Variants in DTWD2 observed in about 807,000 individuals in gnomAD.
DTWD2 encodes the protein DTW motif tRNA-uridine aminocarboxypropyltransferase 2.
Under a neutral mutation model 31.8 loss-of-function variants are expected in DTWD2, and 39 were observed. That is an observed-to-expected ratio of 1.22 (90% confidence interval 0.95 to 1.60). The LOEUF is 1.60. Ranked by LOEUF, DTWD2 falls within the 40% of genes most tolerant of loss-of-function variation. The pLI is 0.00. For synonymous variants in DTWD2, 180 were observed against 142.8 expected, an observed-to-expected ratio of 1.26 and a Z score of -1.86; for missense variants, 515 against 381.5, an observed-to-expected ratio of 1.35 and a Z score of -2.92.
At chr5:118,946,215 A>G (rs1045270663) in intron 1 of DTWD2, among the ~76,000 whole-genome samples, 2 of 152,228 alleles carry the variant, frequency 1.3e-5, no homozygotes, top group Admixed American at 6.5e-5. Context: ...TAACCCAAGG[A>G]AAATCAATAC....
At chr5:118,981,291 A>G (rs990551802) in intron 1 of DTWD2, among the ~76,000 whole-genome samples, 14 of 152,202 alleles carry the variant, frequency 9.2e-5, no homozygotes, top group Non-Finnish European at 1.6e-4. Flanking sequence ...GGCTACACAC[A>G]TTATATATTT....
chr5:118,902,098 T>G (rs897421128), intron 4 of DTWD2, among the ~76,000 whole-genome samples: 8 of 152,112 alleles, frequency 5.3e-5, no homozygotes, highest in African/African-American at 1.9e-4. Context: ...TCACCTTATA[T>G]CAACACATAT....
chr5:118,944,708 T>G, intron 1 of DTWD2, 59 bp from the exon 2 acceptor site: 1 of 1,528,640 alleles, frequency 6.5e-7, no homozygotes, highest in South Asian at 1.1e-5. Context: ...GATATAACAA[T>G]TTTTTAAATG....
intron 1 of DTWD2, among the ~76,000 whole-genome samples, chr5:118,985,517 T>TATATATATATATATATACAC (rs1554072595): frequency 8.4e-5 from 9 of 107,738 alleles, no homozygotes; most frequent in South Asian, 3.1e-4. Flanking sequence ...TATATATATA[T>TATATATATATATATATACAC]ACACACACAT....
chr5:118,923,155 A>C (rs1180671861), intron 4 of DTWD2, among the ~76,000 whole-genome samples: 1 of 152,142 alleles, frequency 6.6e-6, no homozygotes, highest in Non-Finnish European at 1.5e-5. Context: ...ATTGTACCTC[A>C]TTCTCACCTT....
chr5:118,971,853 T>C (rs184449260), intron 1 of DTWD2, among the ~76,000 whole-genome samples: 85 of 152,152 alleles, frequency 5.6e-4, no homozygotes, highest in Non-Finnish European at 7.5e-4. Context: ...TACATGGAAA[T>C]TGAACAACCT....
chr5:118,962,662 A>T (rs1446455004), intron 1 of DTWD2, among the ~76,000 whole-genome samples: 1 of 152,208 alleles, frequency 6.6e-6, no homozygotes, highest in Non-Finnish European at 1.5e-5. Context: ...AGGAGAAGGG[A>T]GAGGAAAAGA....
intron 5 of DTWD2, 85 bp from the exon 6 acceptor site, chr5:118,841,172 A>T: frequency 6.9e-7 from 1 of 1,459,342 alleles, no homozygotes; most frequent in Non-Finnish European, 9.2e-7. Flanking sequence ...AATAGGAGTT[A>T]CTATGTTTCT....
chr5:118,959,186 T>C (rs747818567), intron 1 of DTWD2, among the ~76,000 whole-genome samples: 41 of 152,072 alleles, frequency 2.7e-4, no homozygotes, highest in Non-Finnish European at 7.4e-5. Context: ...ATATTCTTTT[T>C]TACCTAGAAA....
intron 4 of DTWD2, among the ~76,000 whole-genome samples, chr5:118,906,781 T>C (rs1248819715): frequency 6.6e-6 from 1 of 152,202 alleles, no homozygotes; most frequent in Non-Finnish European, 1.5e-5. Flanking sequence ...TTAATGGTTT[T>C]ACAAGTGTGC....
At chr5:118,953,537 G>A (rs1201123784) in intron 1 of DTWD2, among the ~76,000 whole-genome samples, 3 of 152,298 alleles carry the variant, frequency 2.0e-5, no homozygotes, top group Admixed American at 6.5e-5. Flanking sequence ...TGATTTAAAT[G>A]ACAACTGACT....
intron 4 of DTWD2, among the ~76,000 whole-genome samples, chr5:118,899,681 T>C (rs999345718): frequency 6.6e-6 from 1 of 152,164 alleles, no homozygotes; most frequent in African/African-American, 2.4e-5. Flanking sequence ...TCCATTCCTG[T>C]CATTATGCCC....
intron 4 of DTWD2, among the ~76,000 whole-genome samples, chr5:118,866,415 C>T (rs989912328): frequency 3.9e-5 from 6 of 152,136 alleles, no homozygotes; most frequent in African/African-American, 1.4e-4. Flanking sequence ...CAATTACACT[C>T]ATAATAACAC....
intron 3 of DTWD2, among the ~76,000 whole-genome samples, chr5:118,934,151 A>C (rs1753984494): frequency 6.6e-6 from 1 of 150,838 alleles, no homozygotes; most frequent in East Asian, 1.9e-4. Context: ...AAAAGCAAAA[A>C]GGACTGGGCA....
intron 4 of DTWD2, among the ~76,000 whole-genome samples, chr5:118,874,287 G>C (rs1265123536): frequency 2.0e-5 from 3 of 152,216 alleles, no homozygotes; most frequent in Non-Finnish European, 4.4e-5. Context: ...AACTCATAAA[G>C]CCAGAGTATG....
intron 1 of DTWD2, among the ~76,000 whole-genome samples, chr5:118,945,982 T>C (rs150279793): frequency 8.9e-4 from 135 of 152,296 alleles, no homozygotes; most frequent in African/African-American, 2.8e-3. Flanking sequence ...ATTTTACTTA[T>C]TGTGGAATTT....
intron 1 of DTWD2, among the ~76,000 whole-genome samples, chr5:118,965,605 G>C (rs1754825127): frequency 6.6e-6 from 1 of 152,236 alleles, no homozygotes; most frequent in African/African-American, 2.4e-5. Context: ...TTGGGATGCT[G>C]TTGGGGTATG....
intron 4 of DTWD2, among the ~76,000 whole-genome samples, chr5:118,914,181 C>T (rs115001852): frequency 0.014 from 2,151 of 152,242 alleles, 41 homozygotes; most frequent in African/African-American, 0.049. Context: ...TCCAATGTGA[C>T]AATGTTATGA....
chr5:118,972,896 T>G (rs1359556683), intron 1 of DTWD2, among the ~76,000 whole-genome samples: 1 of 152,116 alleles, frequency 6.6e-6, no homozygotes, highest in Non-Finnish European at 1.5e-5. Flanking sequence ...AGGCCTTGCT[T>G]TTGAATCTGG....
Sources: gnomAD v4.1 joint callset for allele counts (sites outside exome capture counted in the v4.1 genomes callset) on GRCh38, gnomAD v4.1.1 for gene constraint, MANE v1.5 for transcripts, NCBI Gene and HGNC (gene_info 2026-07-23, HGNC 2026-07-21) for gene names.